The following SCAI variants were observed in gnomAD, a reference collection of about 807,000 sequenced individuals.
SCAI encodes the protein protein SCAI.
Under a neutral mutation model 92.2 loss-of-function variants are expected in SCAI, and 24 were observed. The ratio of observed to expected loss-of-function variants is 0.26; its 90% CI spans 0.19 to 0.37. The LOEUF is 0.37. Ranked by LOEUF, SCAI falls within the 10% of genes least tolerant of loss-of-function variation. The probability of loss-of-function intolerance (pLI) is 1.00; values close to 1 mark genes in which losing one functional copy is unlikely to be tolerated. For synonymous variants in SCAI, 261 were observed against 258.6 expected, an observed-to-expected ratio of 1.01 and a Z score of -0.09; for missense variants, 450 against 736.2, an observed-to-expected ratio of 0.61 and a Z score of 4.50.
chr9:125,073,728 G>A (rs150199644), intron 2 of SCAI, among the ~76,000 whole-genome samples: 1 of 152,170 alleles, frequency 6.6e-6, no homozygotes, highest in East Asian at 1.9e-4. Flanking sequence ...TTCATGACCA[G>A]CCTGGTCAAT....
At chr9:125,011,963 T>A (rs1380928479) in intron 9 of SCAI, among the ~76,000 whole-genome samples, 1 of 152,088 alleles carries the variant, frequency 6.6e-6, no homozygotes, top group Admixed American at 6.6e-5. Context: ...ATAAAATACT[T>A]CACAGACAAG....
chr9:124,969,257 C>A (rs532519653), intron 17 of SCAI, among the ~76,000 whole-genome samples: 1 of 151,974 alleles, frequency 6.6e-6, no homozygotes, highest in Non-Finnish European at 1.5e-5. Flanking sequence ...TTGCACAGTT[C>A]TTTTACATTT....
In SCAI at chr9:124,994,993, G is replaced by A; in HGVS notation, c.1267C>T (p.Pro423Ser). The A allele has an allele frequency of 6.2e-7, 1 of 1,612,162 alleles. No individual in the cohort carries two copies. The highest frequency in any genetic ancestry group is 8.5e-7 in the Non-Finnish European group (1 of 1,179,190). ...ATGAACAGTGGCTTCCTGGTGAAAG[G>A]ATAGAGATCCCCGGGATGAAGGCTG... ...MHCLHPGDLY[P>S]FTRKPLFIIV... is the part of the protein sequence containing the mutation. Residue 423 changes from proline (P) to serine (S), a missense_variant, in exon 14 of 18, where the codon CCT becomes TCT. Around this residue, in one of 3 missense-constraint regions of SCAI, gnomAD observed 360 missense variants for 601.8 expected, o/e 0.60. Transcript: ENST00000336505.
chr9:125,000,945 A>G (rs867042557), intron 12 of SCAI, among the ~76,000 whole-genome samples: 2 of 152,210 alleles, frequency 1.3e-5, no homozygotes, highest in Non-Finnish European at 2.9e-5. Context: ...CAAAGGACCT[A>G]TCAAAGTACG....
At chr9:125,066,464 ATTTT>A (rs754196569) in intron 2 of SCAI, among the ~76,000 whole-genome samples, 1 of 138,228 alleles carries the variant, frequency 7.2e-6, no homozygotes, top group African/African-American at 2.5e-5. Context: ...TTATTTATTT[ATTTT>A]TTTTTGAGAC....
intron 2 of SCAI, among the ~76,000 whole-genome samples, chr9:125,087,829 C>T (rs1385366585): frequency 1.3e-5 from 2 of 152,050 alleles, no homozygotes; most frequent in African/African-American, 2.4e-5. Context: ...GTTTTAAATA[C>T]GCATACTGAA....
chr9:125,048,985 T>C (rs1833502529), intron 3 of SCAI, among the ~76,000 whole-genome samples: 1 of 152,114 alleles, frequency 6.6e-6, no homozygotes, highest in Admixed American at 6.5e-5. Flanking sequence ...CCTCAGGTGA[T>C]CTGCCTGCCT....
chr9:125,105,403 G>A (rs569614393), intron 2 of SCAI, among the ~76,000 whole-genome samples: 3 of 152,288 alleles, frequency 2.0e-5, no homozygotes, highest in South Asian at 2.1e-4. Flanking sequence ...CATGATACTG[G>A]GCAAACTATC....
At chr9:125,120,163 G>A (rs919011754) in intron 2 of SCAI, among the ~76,000 whole-genome samples, 5 of 152,164 alleles carry the variant, frequency 3.3e-5, no homozygotes, top group African/African-American at 4.8e-5. Context: ...GAACGATACT[G>A]CTGTAGACAC....
chr9:125,092,379 G>C (rs1486879488), intron 2 of SCAI, among the ~76,000 whole-genome samples: 1 of 151,998 alleles, frequency 6.6e-6, no homozygotes, highest in East Asian at 1.9e-4. Flanking sequence ...CTTGAATCCA[G>C]GAGTCGGAGG....
intron 9 of SCAI, among the ~76,000 whole-genome samples, chr9:125,004,336 T>G (rs1319257508): frequency 6.6e-6 from 1 of 151,354 alleles, no homozygotes; most frequent in Non-Finnish European, 1.5e-5. Flanking sequence ...ATTCTTTTTT[T>G]TTTTTTTTTT....
chr9:125,063,314 T>G (rs1458243618), intron 2 of SCAI, among the ~76,000 whole-genome samples: 1 of 150,608 alleles, frequency 6.6e-6, no homozygotes, highest in Non-Finnish European at 1.5e-5. Flanking sequence ...GAAGTGAAGG[T>G]TGCAGTGAGC....
chr9:125,017,082 A>G (rs927625523), intron 9 of SCAI, among the ~76,000 whole-genome samples: 2 of 152,172 alleles, frequency 1.3e-5, no homozygotes, highest in Non-Finnish European at 2.9e-5. Flanking sequence ...GAATATATTC[A>G]GAACTCTTAC....
chr9:125,046,194 G>GAGAT (rs554403092), intron 3 of SCAI, among the ~76,000 whole-genome samples: 1,031 of 15,502 alleles, frequency 0.067, 101 homozygotes, highest in Admixed American at 0.32. Flanking sequence ...AAGAAATTGT[G>GAGAT]AGATATATAT....
chr9:124,981,004 T>C (rs1434396000), intron 14 of SCAI, among the ~76,000 whole-genome samples: 2 of 152,210 alleles, frequency 1.3e-5, no homozygotes, highest in Admixed American at 6.5e-5. Flanking sequence ...CATTAATTAA[T>C]TTTATAGTTT....
chr9:125,050,594 G>C (rs541965459), intron 3 of SCAI, among the ~76,000 whole-genome samples: 1 of 152,060 alleles, frequency 6.6e-6, no homozygotes, highest in Non-Finnish European at 1.5e-5. Context: ...TTATAAAAGG[G>C]ACAAGGTCTC....
intron 2 of SCAI, among the ~76,000 whole-genome samples, chr9:125,113,723 G>C (rs1020479149): frequency 6.7e-6 from 1 of 149,978 alleles, no homozygotes; most frequent in Non-Finnish European, 1.5e-5. Flanking sequence ...AGCACTTTGG[G>C]AGGCCAAGGC....
intron 14 of SCAI, among the ~76,000 whole-genome samples, chr9:124,980,310 C>CTT (rs373009292): frequency 1.4e-4 from 20 of 146,726 alleles, no homozygotes; most frequent in African/African-American, 3.0e-4. Flanking sequence ...TCTCTCCTGA[C>CTT]TTTTTTTTTT....
intron 2 of SCAI, among the ~76,000 whole-genome samples, chr9:125,110,354 T>C (rs1219727051): frequency 3.3e-5 from 5 of 152,134 alleles, no homozygotes; most frequent in Non-Finnish European, 5.9e-5. Context: ...AAACACAATT[T>C]TAAAAATTAG....
Sources: gnomAD v4.1 joint callset for allele counts (sites outside exome capture counted in the v4.1 genomes callset) on GRCh38, gnomAD v4.1.1 for gene constraint, gnomAD v4.1.1 regional missense constraint, MANE v1.5 for transcripts, NCBI Gene and HGNC (gene_info 2026-07-23, HGNC 2026-07-21) for gene names.